MICAL1: variants seen among roughly 807,000 people sequenced by gnomAD.
MICAL1 encodes [F-actin]-monooxygenase MICAL1.
In MICAL1, 95 loss-of-function variants were observed where a neutral mutation model predicts 131.8. The ratio of observed to expected loss-of-function variants is 0.72; its 90% confidence interval spans 0.61 to 0.86. The LOEUF (loss-of-function observed/expected upper bound fraction) is 0.86, where lower values mean the gene tolerates loss of function less well. Ranked by LOEUF, MICAL1 falls within the 40% of genes least tolerant of loss-of-function variation. The pLI is 0.00. For synonymous variants in MICAL1, 546 were observed against 554.2 expected (o/e 0.99, Z 0.21); for missense variants, 1,292 against 1,380.6 (o/e 0.94, Z 1.02).
At chr6:109,451,755 C>T (rs1582649626) in intron 6 of MICAL1, 55 bp from the exon 7 acceptor site, 1 of 1,601,234 alleles carries the variant, frequency 6.2e-7, no homozygotes, top group South Asian at 1.1e-5. Flanking sequence ...GCATCACCTT[C>T]CCTAAACATC....
intron 5 of MICAL1, 21 bp from the exon 6 acceptor site, chr6:109,452,422 A>G: frequency 6.2e-7 from 1 of 1,612,830 alleles, no homozygotes; most frequent in South Asian, 1.1e-5. Flanking sequence ...CGGTAGGTGA[A>G]CAATGGCAGG....
At chr6:109,452,159 G>T in intron 6 of MICAL1, 87 bp downstream of exon 6, 1 of 1,526,110 alleles carries the variant, frequency 6.6e-7, no homozygotes, top group East Asian at 2.3e-5. Context: ...GGAGTTCCTT[G>T]CAGTGAGGAC....
Position 109,445,404 on chromosome 6 carries a change from C to T in MICAL1, c.2787+12G>A, listed in dbSNP as rs374621120. Reference sequence around the variant, plus strand: ...TGACCCCATCAGAATTTTGGGAACCCCCGGGCTTCACCTGGGCCTTGCAGA... The same window carrying T: ...TGACCCCATCAGAATTTTGGGAACCTCCGGGCTTCACCTGGGCCTTGCAGA... On this transcript the variant is annotated intron_variant, in intron 21 of 24. Transcript: ENST00000358807. The T allele has an allele frequency of 1.6e-5, 26 of 1,613,808 alleles. No individual in the cohort carries two copies. Among genetic ancestry groups the T allele is most frequent in the Non-Finnish European group, 2.2e-5 (26 of 1,180,006 alleles).
chr6:109,445,529 C>T lies in MICAL1; in HGVS notation c.2674G>A (p.Ala892Thr), dbSNP rs1388784355. 4.3e-6 allele frequency: 7 copies of T among 1,614,000 alleles called. No homozygotes were observed. In the East Asian group the frequency reaches 6.7e-5, roughly 15 times the overall value. The change falls in exon 21 of 25, where the codon GCC becomes ACC. Residue 892 changes from alanine (A) to threonine (T), a missense_variant and splice_region_variant. Transcript: ENST00000358807. ...DVPLDSDVEQ[A>T]LQTFAKTSGT... ...GAGGTCTTGGCAAAGGTCTGCAGGG[C>T]CTATAGGAGGGTCAGGCCAGTCAGG...
At chr6:109,448,491 TG>T in intron 12 of MICAL1, 98 bp from the exon 13 acceptor site, 1 of 1,427,612 alleles carries the variant, frequency 7.0e-7, no homozygotes. Flanking sequence ...AAGCAGCAGC[TG>T]GGGTACAAGA....
chr6:109,454,280 GA>G, intron 1 of MICAL1, 41 bp from the exon 2 acceptor site: 1 of 1,499,592 alleles, frequency 6.7e-7, no homozygotes, highest in Non-Finnish European at 8.9e-7. Flanking sequence ...CTGGAGAACA[GA>G]AGAAATAAAA....
rs187253058 is a variant in MICAL1 at position 109,449,001 on chromosome 6, G to A, written c.1517-122C>T. 9.8e-6 allele frequency: 13 copies of A among 1,330,376 alleles called. No individual in the cohort carries two copies. The Admixed American group carries it at 3.0e-4, about 30-fold the overall frequency. 82.4% of individuals were successfully genotyped at this position (1,330,376 alleles called of 1,614,324 possible). ...AGGAGTCAGGGACCCACCTCTACTA[G>A]GGCACCAGCCTAAAGCTGACTATCA... On this transcript the variant is annotated intron_variant, in intron 11 of 24. Transcript: ENST00000358807.
rs1317924084 is a variant in MICAL1 at position 109,447,116 on chromosome 6, C to T, written c.2184G>A (p.Glu728=). 2.6e-5 allele frequency: 42 copies of T among 1,614,034 alleles called. No homozygotes were observed. The highest frequency in any genetic ancestry group is 3.4e-5 in the Non-Finnish European group (40 of 1,180,034). Residue 728 remains glutamate (E), a synonymous_variant, in exon 17 of 25, where the codon GAG becomes GAA. Coordinates refer to ENST00000358807, the MANE Select transcript of MICAL1 (RefSeq NM_022765.4). ...CGTAGCCACCTGGCCACAGTGTGGC[C>T]TCACAGGTATGGCAGCGGAAGCAGC... is the stretch of plus-strand genomic sequence containing the variant. ...HRSCFRCHTC[E]ATLWPGGYEQ...
In MICAL1 at chr6:109,451,606, C is replaced by T; in HGVS notation, c.927G>A (p.Leu309=). The change falls in exon 7 of 25, where the codon CTG becomes CTA. Residue 309 remains leucine (L), a synonymous_variant. Transcript: ENST00000358807. ...GGCCAGGACTGGGCCTCACCTGGCG[C>T]AGCACCCCCAGCCGCAGCAGGCACT... is the stretch of plus-strand genomic sequence containing the variant. ...KKQCLLRLGV[L]RQDWPDTNRL... 1 of 1,613,872 alleles carries T rather than the reference C, an allele frequency of 6.2e-7. No individual in the cohort carries two copies. Among genetic ancestry groups the T allele is most frequent in the Non-Finnish European group, 8.5e-7 (1 of 1,179,944 alleles).
rs372567459 is a variant in MICAL1 at position 109,444,248 on chromosome 6, G to T, written c.3147C>A (p.Arg1049=). 6.2e-7 allele frequency: 1 copy of T among 1,613,578 alleles called. No individual in the cohort carries two copies. The highest frequency in any genetic ancestry group is 1.3e-5 in the African/African-American group (1 of 74,932). ...DLVNQRDALI[R]FQEERRLSEL... is the part of the protein sequence containing the mutation. ...CGCTGAGCCTGCGCTCCTCCTGGAA[G>T]CGGATGAGGGCATCTCTCTGGTTGA... Residue 1049 remains arginine, a synonymous_variant, in exon 25 of 25, where the codon CGC becomes CGA. Transcript: ENST00000358807.
At chr6:109,446,627 A>G in intron 18 of MICAL1, 69 bp downstream of exon 18, 1 of 1,522,860 alleles carries the variant, frequency 6.6e-7, no homozygotes. Context: ...CCCCCAGCAA[A>G]GCGCTGGTTT....
chr6:109,462,497 G>C (rs921074795), intron 1 of MICAL1: 2 of 152,182 alleles, frequency 1.3e-5, no homozygotes, highest in Non-Finnish European at 2.9e-5. Context: ...CAATAGTAAG[G>C]ACTCCATATT....
intron 6 of MICAL1, 74 bp downstream of exon 6, chr6:109,452,172 G>T (rs41288562): frequency 0.012 from 18,525 of 1,543,140 alleles, 439 homozygotes; most frequent in Admixed American, 0.11. Context: ...GTGAGGACAA[G>T]TTTGGAAGGG....
chr6:109,447,775 C>G (rs1775301865), intron 14 of MICAL1, 53 bp from the exon 15 acceptor site: 1 of 1,613,180 alleles, frequency 6.2e-7, no homozygotes, highest in African/African-American at 1.3e-5. Context: ...CCCAGTCCTC[C>G]CCACTTTCTG....
At chr6:109,458,041 C>A (rs1270036796), upstream of MICAL1, among the ~76,000 whole-genome samples, 1 of 150,646 alleles carries the variant, frequency 6.6e-6, no homozygotes, top group Non-Finnish European at 1.5e-5. Flanking sequence ...ATTTCTACTC[C>A]AAAATCCTAT....
At chr6:109,456,904 G>A (rs1020820184), upstream of MICAL1, among the ~76,000 whole-genome samples, 5 of 152,156 alleles carry the variant, frequency 3.3e-5, no homozygotes, top group Non-Finnish European at 7.3e-5. Flanking sequence ...CCCCAGGGTT[G>A]ACCCAAAATG....
At position 109,446,116 on chromosome 6, in the gene MICAL1, C is replaced by A. The variant is rs1227435495; in HGVS notation, c.2581+20G>T. 1 of 1,531,188 alleles carries A rather than the reference C, an allele frequency of 6.5e-7. No individual in the cohort carries two copies. Among genetic ancestry groups the A allele is most frequent in the Non-Finnish European group, 8.7e-7 (1 of 1,143,420 alleles). The allele number at this position is 1,531,188 out of a possible 1,614,324, so 94.9% of individuals were successfully genotyped here. On this transcript the variant is annotated intron_variant, in intron 19 of 24. Coordinates refer to ENST00000358807, the MANE Select transcript of MICAL1 (RefSeq NM_022765.4). Reference sequence around the variant, plus strand: ...CACCCTGTCCCACCCTGGGTCAGCACATCTGTGAGGATGGGTTACCTTGAG... The same window carrying A: ...CACCCTGTCCCACCCTGGGTCAGCAAATCTGTGAGGATGGGTTACCTTGAG...
At chr6:109,458,282 A>T (rs1187598682), upstream of MICAL1, among the ~76,000 whole-genome samples, 1 of 152,096 alleles carries the variant, frequency 6.6e-6, no homozygotes. Flanking sequence ...AGTGGGTGAC[A>T]CATGAAGTCA....
At chr6:109,463,761 CTAATA>C (rs1223136393) in intron 1 of MICAL1, 4 of 152,166 alleles carry the variant, frequency 2.6e-5, no homozygotes, top group South Asian at 2.1e-4. Flanking sequence ...AAATGTCTCA[CTAATA>C]TATTTTTATA....
Sources: allele counts gnomAD v4.1 joint callset (sites outside exome capture counted in the v4.1 genomes callset), GRCh38; gene constraint gnomAD v4.1.1; transcripts MANE v1.5; gene names NCBI Gene and HGNC (gene_info 2026-07-23, HGNC 2026-07-21).